NDUFS6: variants seen among roughly 807,000 people sequenced by gnomAD.
NDUFS6 encodes NADH:ubiquinone oxidoreductase subunit S6, also known as NADH dehydrogenase [ubiquinone] iron-sulfur protein 6, mitochondrial.
In NDUFS6, 14 loss-of-function variants were observed where a neutral mutation model predicts 13.2. That is an observed-to-expected ratio of 1.06 (90% CI 0.70 to 1.66). The LOEUF is 1.66. Ranked by LOEUF, NDUFS6 falls within the 40% of genes most tolerant of loss-of-function variation. NDUFS6 has a pLI of 0.00. For missense variants in NDUFS6, 206 were observed against 170.8 expected (o/e 1.21, Z -1.15); for synonymous variants, 95 against 72.3 (o/e 1.31, Z -1.60).
intron 2 of NDUFS6, among the ~76,000 whole-genome samples, chr5:1,802,587 T>A (rs1267655039): frequency 6.6e-6 from 1 of 152,226 alleles, no homozygotes; most frequent in Admixed American, 6.5e-5. Context: ...TAGCCGTAGT[T>A]CTGGTTTGCA....
intron 2 of NDUFS6, among the ~76,000 whole-genome samples, chr5:1,803,279 T>C (rs1480638355): frequency 6.6e-6 from 1 of 152,222 alleles, no homozygotes; most frequent in African/African-American, 2.4e-5. Context: ...GGTTCACTGT[T>C]GTGTGGTTTG....
intron 2 of NDUFS6, among the ~76,000 whole-genome samples, chr5:1,802,644 T>C (rs1044255590): frequency 6.6e-6 from 1 of 152,216 alleles, no homozygotes; most frequent in Non-Finnish European, 1.5e-5. Context: ...CTTATTCTCC[T>C]GAGACTCTCA....
At position 1,814,264 on chromosome 5, in the gene NDUFS6, G is replaced by A. The variant is rs1363330828; in HGVS notation, c.187-75G>A. ...ATTCGTGCTGATGGTACATGAATTT[G>A]TGTGTGGTGGGTTAAATTGTATGTA... On this transcript the variant is annotated intron_variant, in intron 2 of 3. Coordinates refer to ENST00000274137, the MANE Select transcript of NDUFS6 (RefSeq NM_004553.6). This position sits in a 1 kb window ranked among gnomAD's most constrained non-coding sequence, Gnocchi z 4.9. 3.2e-6 allele frequency: 5 copies of A among 1,570,690 alleles called. No homozygotes were observed. The highest frequency in any genetic ancestry group is 3.5e-6 in the Non-Finnish European group (4 of 1,152,020).
At chr5:1,801,741 G>C (rs779968186) in intron 1 of NDUFS6, among the ~76,000 whole-genome samples, 192 bp downstream of exon 1, 1 of 152,248 alleles carries the variant, frequency 6.6e-6, no homozygotes, top group Non-Finnish European at 1.5e-5. Flanking sequence ...GTAGCGGTGG[G>C]TCTCGTCCTT....
intron 1 of NDUFS6, among the ~76,000 whole-genome samples, chr5:1,801,873 A>G (rs544421892): frequency 6.6e-6 from 1 of 152,372 alleles, no homozygotes; most frequent in South Asian, 2.1e-4. Flanking sequence ...GAATTTGTGT[A>G]ATATTCAATA....
intron 2 of NDUFS6, among the ~76,000 whole-genome samples, chr5:1,808,096 C>T (rs925608836): frequency 4.6e-5 from 7 of 152,174 alleles, no homozygotes; most frequent in African/African-American, 1.4e-4. Flanking sequence ...TTCCACCCTC[C>T]GCCTTTGCAG....
intron 2 of NDUFS6, among the ~76,000 whole-genome samples, chr5:1,807,201 A>ATGTACTCAGAGGT (rs1437218968): frequency 1.3e-5 from 2 of 151,130 alleles, no homozygotes; most frequent in East Asian, 1.9e-4. Context: ...GTACTGTGTG[A>ATGTACTCAGAGGT]ACACTGTGTG....
chr5:1,802,099 A>C (rs1015138646), intron 1 of NDUFS6: 3 of 550,442 alleles, frequency 5.5e-6, no homozygotes, highest in Non-Finnish European at 6.4e-6. Context: ...TTCCCGGGCT[A>C]TGTCTCTGTG....
chr5:1,815,730 G>A, intron 3 of NDUFS6, 121 bp from the exon 4 acceptor site: 1 of 1,009,498 alleles, frequency 9.9e-7, no homozygotes, highest in Non-Finnish European at 1.5e-6. Flanking sequence ...TCTTACTTCA[G>A]TAGTAACTGC....
At chr5:1,801,735 C>T (rs1734046555) in intron 1 of NDUFS6, among the ~76,000 whole-genome samples, 186 bp downstream of exon 1, 1 of 152,200 alleles carries the variant, frequency 6.6e-6, no homozygotes, top group Admixed American at 6.5e-5. Context: ...CAGCCTGTAG[C>T]GGTGGGTCTC....
At chr5:1,808,832 T>A (rs1441971455) in intron 2 of NDUFS6, among the ~76,000 whole-genome samples, 2 of 152,266 alleles carry the variant, frequency 1.3e-5, no homozygotes, top group East Asian at 3.8e-4. Flanking sequence ...TAGACATGTA[T>A]ACACACGTTT....
intron 2 of NDUFS6, among the ~76,000 whole-genome samples, chr5:1,806,672 C>T (rs1396389732): frequency 3.3e-5 from 5 of 152,092 alleles, no homozygotes; most frequent in South Asian, 2.1e-4. Context: ...GCGTGGGTGA[C>T]GGCGTGGAGC....
intron 2 of NDUFS6, among the ~76,000 whole-genome samples, chr5:1,802,859 T>A (rs191207230): frequency 6.6e-6 from 1 of 152,296 alleles, no homozygotes; most frequent in East Asian, 1.9e-4. Context: ...CAGGTGCCTG[T>A]GAGTGACCAC....
intron 1 of NDUFS6, chr5:1,802,067 G>C (rs1734054314): frequency 2.0e-6 from 1 of 509,104 alleles, no homozygotes; most frequent in Non-Finnish European, 3.5e-6. Context: ...GTCAGGATTT[G>C]TCTCTCCTCC....
intron 2 of NDUFS6, among the ~76,000 whole-genome samples, chr5:1,812,692 C>A (rs1158325528): frequency 6.6e-6 from 1 of 151,272 alleles, no homozygotes; most frequent in Non-Finnish European, 1.5e-5. Flanking sequence ...TGTTTAGAGA[C>A]CACCATGTGG....
At chr5:1,808,236 T>C (rs1734158408) in intron 2 of NDUFS6, among the ~76,000 whole-genome samples, 1 of 152,156 alleles carries the variant, frequency 6.6e-6, no homozygotes, top group Non-Finnish European at 1.5e-5. Context: ...AGGGGGTGTT[T>C]GAGACGCGGG....
intron 2 of NDUFS6, among the ~76,000 whole-genome samples, chr5:1,811,032 T>A (rs1217451595): frequency 6.6e-6 from 1 of 152,212 alleles, no homozygotes; most frequent in East Asian, 1.9e-4. Flanking sequence ...GATGAAGACC[T>A]TTATGACGAT....
At chr5:1,810,766 G>A (rs973211124) in intron 2 of NDUFS6, among the ~76,000 whole-genome samples, 4 of 151,728 alleles carry the variant, frequency 2.6e-5, no homozygotes, top group African/African-American at 7.3e-5. Flanking sequence ...TCTGCTAATC[G>A]TTGTCGGAGT....
At chr5:1,803,175 A>G (rs1274432421) in intron 2 of NDUFS6, among the ~76,000 whole-genome samples, 1 of 152,126 alleles carries the variant, frequency 6.6e-6, no homozygotes, top group African/African-American at 2.4e-5. Context: ...CCCAGTGTGT[A>G]GTTTTTGTAC....
Sources: gnomAD v4.1 joint callset for allele counts (sites outside exome capture counted in the v4.1 genomes callset) on GRCh38, gnomAD v4.1.1 for gene constraint, Gnocchi (gnomAD v3.1) non-coding constraint, MANE v1.5 for transcripts, NCBI Gene and HGNC (gene_info 2026-07-23, HGNC 2026-07-21) for gene names.